Variants in CDH8 observed in about 807,000 individuals in gnomAD.
The protein encoded by CDH8 is cadherin-8.
A neutral mutation model predicts 68.1 loss-of-function variants in CDH8; 17 were observed. The ratio of observed to expected loss-of-function variants is 0.25; its 90% confidence interval spans 0.17 to 0.37. CDH8 has a LOEUF of 0.37. Ranked by LOEUF, CDH8 falls within the 10% of genes least tolerant of loss-of-function variation. CDH8 has a pLI of 1.00. For missense variants in CDH8, 763 were observed against 999.3 expected (o/e 0.76, Z 3.19); for synonymous variants, 372 against 365.1 (o/e 1.02, Z -0.21).
At chr16:61,751,126 A>T (rs764767016) in intron 8 of CDH8, among the ~76,000 whole-genome samples, 7 of 152,100 alleles carry the variant, frequency 4.6e-5, no homozygotes, top group Admixed American at 1.3e-4. Flanking sequence ...GCAAACAAAG[A>T]TAAACAGAAA....
intron 2 of CDH8, among the ~76,000 whole-genome samples, chr16:61,901,830 T>A (rs1468414590): frequency 1.3e-5 from 2 of 152,208 alleles, no homozygotes; most frequent in Non-Finnish European, 2.9e-5. Context: ...TGGGTCACTA[T>A]CTGTATGCCC....
At chr16:61,905,095 G>T (rs2143288680) in intron 2 of CDH8, among the ~76,000 whole-genome samples, 1 of 152,304 alleles carries the variant, frequency 6.6e-6, no homozygotes, top group South Asian at 2.1e-4. Flanking sequence ...CCACAAAACT[G>T]GTCCTTGGTG....
chr16:61,795,633 T>C lies in CDH8; in HGVS notation c.1278-6151A>G, dbSNP rs148116394. ...TGTAAGAGTTCTCTTAAAGCCCAAA[T>C]TGACTGTGGAGATGAATATCCAAAA... On this transcript the variant is annotated intron_variant, in intron 7 of 11. Transcript: ENST00000577390. Among the ~76,000 whole-genome samples, 129 of 152,194 alleles carry C rather than the reference T, an allele frequency of 8.5e-4. 1 individual carries two copies. Among genetic ancestry groups the C allele is most frequent in the Non-Finnish European group, 9.4e-4 (64 of 67,984 alleles).
intron 2 of CDH8, among the ~76,000 whole-genome samples, chr16:61,995,261 A>G (rs16964149): frequency 0.099 from 15,142 of 152,266 alleles, 1,105 homozygotes; most frequent in African/African-American, 0.21. Context: ...AAGGAAACAC[A>G]AAACAAATTG....
At chr16:61,698,215 T>A (rs1964363265) in intron 10 of CDH8, among the ~76,000 whole-genome samples, 1 of 152,200 alleles carries the variant, frequency 6.6e-6, no homozygotes, top group South Asian at 2.1e-4. Context: ...ATTATTTGTG[T>A]TTTTTTATCC....
intron 9 of CDH8, among the ~76,000 whole-genome samples, chr16:61,715,978 T>C (rs1596893642): frequency 6.6e-6 from 1 of 151,842 alleles, no homozygotes; most frequent in East Asian, 2.0e-4. Flanking sequence ...GGGAAAAACA[T>C]TGCTTGTGAG....
At chr16:61,832,395 G>C (rs1463640633) in intron 4 of CDH8, among the ~76,000 whole-genome samples, 1 of 150,656 alleles carries the variant, frequency 6.6e-6, no homozygotes, top group Non-Finnish European at 1.5e-5. Context: ...TAGAGAAATA[G>C]AGAGGGAAAT....
intron 7 of CDH8, among the ~76,000 whole-genome samples, chr16:61,801,490 G>T (rs561507011): frequency 6.6e-6 from 1 of 152,146 alleles, no homozygotes; most frequent in Non-Finnish European, 1.5e-5. Flanking sequence ...GAACAGCTCC[G>T]GTCTACAGCT....
At chr16:61,858,551 C>A (rs1054336289) in intron 3 of CDH8, among the ~76,000 whole-genome samples, 1 of 152,124 alleles carries the variant, frequency 6.6e-6, no homozygotes, top group South Asian at 2.1e-4. Context: ...AATTATCTGA[C>A]GATTTAATGA....
At chr16:61,831,949 G>A (rs1962463042) in intron 4 of CDH8, among the ~76,000 whole-genome samples, 1 of 151,726 alleles carries the variant, frequency 6.6e-6, no homozygotes, top group South Asian at 2.1e-4. Flanking sequence ...TATTATCTGT[G>A]AAAAGGGGTC....
chr16:61,900,735 A>T (rs1424815507), intron 3 of CDH8, among the ~76,000 whole-genome samples: 1 of 152,172 alleles, frequency 6.6e-6, no homozygotes, highest in Non-Finnish European at 1.5e-5. Context: ...CACTAGAGCA[A>T]CCTAATATCT....
At chr16:61,858,572 G>T (rs945719778) in intron 3 of CDH8, among the ~76,000 whole-genome samples, 3 of 152,208 alleles carry the variant, frequency 2.0e-5, no homozygotes, top group Admixed American at 6.5e-5. Flanking sequence ...GAAACAGCAG[G>T]CAGGTGTTAC....
chr16:62,033,867 G>GAA (rs35810250), intron 1 of CDH8, among the ~76,000 whole-genome samples: 305 of 147,920 alleles, frequency 2.1e-3, no homozygotes, highest in East Asian at 0.014. Context: ...TCAGAGTCCA[G>GAA]AAAAAAAAAA....
chr16:61,647,822 G>T lies in CDH8; in HGVS notation c.*5786C>A, dbSNP rs1464575279. On this transcript the variant is annotated 3_prime_UTR_variant, in exon 12 of 12. Coordinates refer to ENST00000577390, the MANE Select transcript of CDH8 (RefSeq NM_001796.5). ...GACCTCTGAGTTCATTGAAGCCATG[G>T]TTTTCCACAGTCTTTCTCTTCAGAC... The T allele has an allele frequency of 1.7e-5, 12 of 699,582 alleles. No homozygotes were observed. The East Asian group carries it at 3.2e-4, about 19-fold the overall frequency. 43.3% of individuals were successfully genotyped at this position (699,582 alleles called of 1,614,324 possible).
intron 7 of CDH8, among the ~76,000 whole-genome samples, chr16:61,802,683 AG>A (rs1961684692): frequency 8.7e-6 from 1 of 115,318 alleles, no homozygotes; most frequent in Admixed American, 9.2e-5. Context: ...AAGCCTCAGG[AG>A]CCGATGCGAT....
At chr16:62,011,041 AAT>A (rs957061713) in intron 2 of CDH8, among the ~76,000 whole-genome samples, 14 of 147,150 alleles carry the variant, frequency 9.5e-5, no homozygotes, top group Admixed American at 2.8e-4. Flanking sequence ...CAGAAAAAAA[AAT>A]AAATAAATGT....
chr16:61,687,541 G>A (rs1236162871), intron 10 of CDH8, among the ~76,000 whole-genome samples: 1 of 151,944 alleles, frequency 6.6e-6, no homozygotes, highest in Non-Finnish European at 1.5e-5. Flanking sequence ...GTCATGAAGA[G>A]GATGCTATCA....
chr16:61,831,204 CAA>C (rs886254640), intron 4 of CDH8, among the ~76,000 whole-genome samples: 3 of 151,698 alleles, frequency 2.0e-5, no homozygotes, highest in Admixed American at 2.0e-4. Flanking sequence ...TTCAAGCAAA[CAA>C]GAGAATTCAA....
chr16:61,711,289 TG>T (rs1052265769), intron 10 of CDH8, among the ~76,000 whole-genome samples: 2 of 151,696 alleles, frequency 1.3e-5, no homozygotes, highest in Non-Finnish European at 3.0e-5. Context: ...AAATATATGG[TG>T]GCAAGTTCCT....
Sources: allele counts gnomAD v4.1 joint callset (sites outside exome capture counted in the v4.1 genomes callset), GRCh38; gene constraint gnomAD v4.1.1; transcripts MANE v1.5; gene names NCBI Gene and HGNC (gene_info 2026-07-23, HGNC 2026-07-21).